SGCE: variants seen among roughly 807,000 people sequenced by gnomAD.
SGCE encodes the protein sarcoglycan epsilon, also known as epsilon-sarcoglycan.
SGCE carries 26 observed loss-of-function variants against 57.8 expected under a neutral mutation model. The observed-to-expected ratio is 0.45, with a 90% CI of 0.33 to 0.62. The LOEUF (loss-of-function observed/expected upper bound fraction) is 0.62, where lower values mean the gene tolerates loss of function less well. Among genes scored for constraint, SGCE ranks in the 20% least tolerant of loss-of-function variants. The pLI, the probability that SGCE is intolerant of heterozygous loss-of-function variation, is 0.02. For synonymous variants in SGCE, 183 were observed against 189.5 expected, an observed-to-expected ratio of 0.97 and a Z score of 0.28; for missense variants, 468 against 548.6, an observed-to-expected ratio of 0.85 and a Z score of 1.47.
intron 10 of SGCE, chr7:94,587,953 A>T: frequency 7.0e-7 from 1 of 1,433,510 alleles, no homozygotes; most frequent in South Asian, 1.6e-5. Context: ...TCAGAATTCC[A>T]CACCCAACTT....
chr7:94,653,783 T>C (rs1043088977), intron 1 of SGCE, among the ~76,000 whole-genome samples: 2 of 151,992 alleles, frequency 1.3e-5, no homozygotes, highest in Admixed American at 1.3e-4. Context: ...AACTACAATA[T>C]GTTAGAATAG....
intron 9 of SGCE, chr7:94,590,975 A>ACT (rs1249220345): frequency 3.9e-5 from 6 of 152,174 alleles, no homozygotes; most frequent in Non-Finnish European, 2.9e-5. Context: ...TCCACTTTAA[A>ACT]GATATTACTA....
At chr7:94,639,427 T>C (rs1328586645) in intron 1 of SGCE, 16 of 1,532,992 alleles carry the variant, frequency 1.0e-5, no homozygotes, top group Non-Finnish European at 1.3e-5. Flanking sequence ...ATTTATGCCA[T>C]CAGCACAGCT....
At chr7:94,645,250 C>T (rs924665132) in intron 1 of SGCE, among the ~76,000 whole-genome samples, 7 of 152,128 alleles carry the variant, frequency 4.6e-5, no homozygotes, top group Non-Finnish European at 8.8e-5. Context: ...AATGTACTTA[C>T]ACAAAATGAT....
chr7:94,588,492 C>G (rs911100278), intron 10 of SGCE, 197 bp downstream of exon 10: 31 of 1,405,408 alleles, frequency 2.2e-5, no homozygotes, highest in Non-Finnish European at 2.4e-5. Context: ...ATCATTTACC[C>G]TGTGTTTATC....
rs2116694543 is a variant in SGCE, at chr7:94,600,741, G to C, written c.942C>G (p.Tyr314Ter). The C allele has an allele frequency of 6.2e-7, 1 of 1,613,754 alleles. No homozygotes were observed. Among genetic ancestry groups the C allele is most frequent in the Non-Finnish European group, 8.5e-7 (1 of 1,179,802 alleles). ...CAGCCAGTGTAATTAGGAAATCCGT[G>C]TAATAGTCTCTGCTTTTCAAAGAAT... ...PSDSLKSRDYYTDFLITLAVP... is the reference protein window; with the variant it reads ...PSDSLKSRDY Residue 314 changes from tyrosine (Y) to a stop codon, truncating the protein, a stop_gained, in exon 7 of 11, where the codon TAC (tyrosine) becomes TAG (stop). Coordinates refer to ENST00000648936, the MANE Select transcript of SGCE (RefSeq NM_003919.3). LOFTEE classifies it high-confidence loss of function.
intron 3 of SGCE, 141 bp from the exon 4 acceptor site, chr7:94,623,538 G>A (rs1803180501): frequency 1.6e-6 from 1 of 634,938 alleles, no homozygotes; most frequent in East Asian, 2.8e-5. Flanking sequence ...TCCTTCTCTG[G>A]GCAATGAGAA....
chr7:94,623,378 C>A lies in SGCE; in HGVS notation c.410G>T (p.Arg137Leu), dbSNP rs548306335. The change falls in exon 4 of 11, where the codon CGC (arginine) becomes CTC (leucine). Residue 137 changes from arginine (R) to leucine (L), a missense_variant. Transcript: ENST00000648936. ...TIIEITAYNR[R>L]TFETARHNLI... ...ATTATGCCTTGCAGTCTCAAAGGTG[C>A]GCCTGTTGTAGGCAGTTATCTATTA... 2 of 1,603,476 alleles carry A rather than the reference C, an allele frequency of 1.2e-6. No individual in the cohort carries two copies. The highest frequency in any genetic ancestry group is 2.2e-5 in the East Asian group (1 of 44,662).
chr7:94,648,998 A>G (rs1807513336), intron 1 of SGCE, among the ~76,000 whole-genome samples: 1 of 152,212 alleles, frequency 6.6e-6, no homozygotes, highest in Admixed American at 6.5e-5. Flanking sequence ...AATTCATACC[A>G]GAGCTGCCTA....
intron 5 of SGCE, among the ~76,000 whole-genome samples, chr7:94,608,457 A>G (rs1800501892): frequency 1.3e-5 from 2 of 152,250 alleles, no homozygotes; most frequent in African/African-American, 4.8e-5. Context: ...TCCATGTTTA[A>G]TGGATAGGAA....
rs1403669169 is a variant in SGCE at position 94,598,943 on chromosome 7, C to A, written c.1085G>T (p.Ser362Ile). The A allele has an allele frequency of 6.2e-7, 1 of 1,613,714 alleles. No individual in the cohort carries two copies. Among genetic ancestry groups the A allele is most frequent in the South Asian group, 1.1e-5 (1 of 91,064 alleles). The change falls in exon 9 of 11, where the codon AGT (serine) becomes ATT (isoleucine). Residue 362 changes from serine to isoleucine, a missense_variant. By Grantham distance (142) the Ser-to-Ile change is moderately radical. Transcript: ENST00000648936. ...QTPDIQLVHH[S>I]AIQKSTKELR... ...CTCCTTGGTAGATTTCTGAATAGCA[C>A]TGTGATGGACCAGTTGGATGCTAGG... is the stretch of plus-strand genomic sequence containing the variant.
chr7:94,628,479 C>T (rs1278280486), intron 2 of SGCE, 120 bp from the exon 3 acceptor site: 1 of 752,258 alleles, frequency 1.3e-6, no homozygotes, highest in Non-Finnish European at 2.2e-6. Context: ...CAACTAAATA[C>T]ACACATACAA....
intron 3 of SGCE, chr7:94,624,995 CCTT>C (rs1363775540): frequency 1.3e-5 from 2 of 151,914 alleles, no homozygotes; most frequent in Non-Finnish European, 2.9e-5. Flanking sequence ...AGAATGTAGT[CCTT>C]CTATCACTTC....
At chr7:94,618,451 C>T in intron 5 of SGCE, 1 of 265,962 alleles carries the variant, frequency 3.8e-6, no homozygotes. Context: ...GCGTCAATTT[C>T]CTTTGAAATT....
At chr7:94,609,185 A>C (rs1342707648) in intron 5 of SGCE, among the ~76,000 whole-genome samples, 1 of 152,216 alleles carries the variant, frequency 6.6e-6, no homozygotes, top group East Asian at 1.9e-4. Flanking sequence ...TGTTATCCAA[A>C]ATATACAAAA....
intron 5 of SGCE, among the ~76,000 whole-genome samples, chr7:94,604,716 G>A (rs1480701098): frequency 3.4e-5 from 5 of 148,104 alleles, no homozygotes; most frequent in Non-Finnish European, 7.5e-5. Flanking sequence ...CAAATGAGAA[G>A]CATATGTGAA....
Position 94,588,738 on chromosome 7 carries a change from AATG to A in SGCE, c.1254-9_1254-7del, listed in dbSNP as rs201696689. 4.5e-4 allele frequency: 724 copies of A among 1,613,304 alleles called. 4 individuals carry two copies. In the African/African-American group the frequency reaches 7.8e-3, roughly 17 times the overall value. ...GAGTCTGATGTGGCAAGTTCCTAGA[AATG>A]ATGAACATTTTTGAGTAAAACTGTT... is the stretch of plus-strand genomic sequence containing the variant. On this transcript the variant is annotated splice_polypyrimidine_tract_variant and splice_region_variant and intron_variant, in intron 9 of 10. Coordinates refer to ENST00000648936, the MANE Select transcript of SGCE (RefSeq NM_003919.3).
intron 1 of SGCE, among the ~76,000 whole-genome samples, chr7:94,632,597 C>CA (rs1804879646): frequency 6.6e-6 from 1 of 152,076 alleles, no homozygotes; most frequent in Admixed American, 6.6e-5. Flanking sequence ...CATTCATCAT[C>CA]TAGAAATGGA....
intron 1 of SGCE, among the ~76,000 whole-genome samples, chr7:94,654,578 A>G (rs1808330192): frequency 6.6e-6 from 1 of 152,212 alleles, no homozygotes; most frequent in South Asian, 2.1e-4. Flanking sequence ...TCCTAGGGAA[A>G]TGTCTTTGTT....
Sources: gnomAD v4.1 joint callset for allele counts (sites outside exome capture counted in the v4.1 genomes callset) on GRCh38, gnomAD v4.1.1 for gene constraint, MANE v1.5 for transcripts, NCBI Gene and HGNC (gene_info 2026-07-23, HGNC 2026-07-21) for gene names.